Variants in FAM135A observed in about 807,000 individuals in gnomAD.
FAM135A encodes the protein protein FAM135A.
A neutral mutation model predicts 146.8 loss-of-function variants in FAM135A; 79 were observed. That is an observed-to-expected ratio of 0.54 (90% CI 0.45 to 0.65). FAM135A has a LOEUF of 0.65. Ranked by LOEUF, FAM135A falls within the 30% of genes least tolerant of loss-of-function variation. The pLI, the probability that FAM135A is intolerant of heterozygous loss-of-function variation, is 0.00. For missense variants in FAM135A, 1,623 were observed against 1,758.2 expected (o/e 0.92, Z 1.38); for synonymous variants, 562 against 603.6 (o/e 0.93, Z 1.01).
intron 11 of FAM135A, among the ~76,000 whole-genome samples, chr6:70,501,857 C>T (rs1352367613): frequency 6.6e-6 from 1 of 152,204 alleles, no homozygotes; most frequent in African/African-American, 2.4e-5. Context: ...AAATCACCCA[C>T]CTTCTGCGAT....
intron 20 of FAM135A, among the ~76,000 whole-genome samples, chr6:70,553,148 T>A (rs540855340): frequency 6.6e-6 from 1 of 152,248 alleles, no homozygotes; most frequent in South Asian, 2.1e-4. Context: ...GAACCAACCA[T>A]GTTGCTCCCC....
intron 5 of FAM135A, among the ~76,000 whole-genome samples, chr6:70,466,787 T>C (rs1160896519): frequency 1.3e-5 from 2 of 152,232 alleles, no homozygotes; most frequent in Non-Finnish European, 2.9e-5. Flanking sequence ...ACTTCATTAG[T>C]ACACCTTCAA....
intron 4 of FAM135A, among the ~76,000 whole-genome samples, chr6:70,432,431 G>C (rs1436842501): frequency 6.6e-6 from 1 of 152,122 alleles, no homozygotes; most frequent in Non-Finnish European, 1.5e-5. Context: ...AATTTGTTAA[G>C]TAAAGCGCTT....
At chr6:70,518,363 A>G (rs1156494866) in intron 12 of FAM135A, among the ~76,000 whole-genome samples, 1 of 152,214 alleles carries the variant, frequency 6.6e-6, no homozygotes, top group African/African-American at 2.4e-5. Context: ...GTTGAGGTTT[A>G]AGGCAGGAAG....
At chr6:70,468,556 A>G (rs1222125467) in intron 5 of FAM135A, among the ~76,000 whole-genome samples, 2 of 152,222 alleles carry the variant, frequency 1.3e-5, no homozygotes, top group Admixed American at 6.5e-5. Context: ...GCTGCTTGCT[A>G]TGCTGTGCAT....
chr6:70,429,520 G>A (rs1025236859), intron 4 of FAM135A, among the ~76,000 whole-genome samples: 5 of 151,376 alleles, frequency 3.3e-5, no homozygotes, highest in African/African-American at 1.2e-4. Context: ...CTCAAGGAAC[G>A]TTAAAAAAAA....
At chr6:70,489,770 G>A (rs1291792163) in intron 10 of FAM135A, among the ~76,000 whole-genome samples, 1 of 152,094 alleles carries the variant, frequency 6.6e-6, no homozygotes, top group Non-Finnish European at 1.5e-5. Flanking sequence ...TACACACGTT[G>A]CTTGTCTCGT....
At chr6:70,429,290 A>T (rs1441358552) in intron 4 of FAM135A, among the ~76,000 whole-genome samples, 1 of 152,178 alleles carries the variant, frequency 6.6e-6, no homozygotes, top group Non-Finnish European at 1.5e-5. Flanking sequence ...AGGCGGGCAG[A>T]TCACCAGAGG....
At chr6:70,436,656 ATTC>A (rs950905761) in intron 4 of FAM135A, among the ~76,000 whole-genome samples, 8 of 152,174 alleles carry the variant, frequency 5.3e-5, no homozygotes, top group African/African-American at 1.4e-4. Context: ...GCCAATGTGT[ATTC>A]TTCTTTTTGT....
At chr6:70,476,143 G>A (rs1782598583) in intron 7 of FAM135A, among the ~76,000 whole-genome samples, 1 of 152,132 alleles carries the variant, frequency 6.6e-6, no homozygotes, top group Non-Finnish European at 1.5e-5. Flanking sequence ...ATGTGCACTT[G>A]ACAGTTGTTC....
At chr6:70,436,230 G>A (rs1261314394) in intron 4 of FAM135A, among the ~76,000 whole-genome samples, 3 of 150,300 alleles carry the variant, frequency 2.0e-5, no homozygotes, top group Non-Finnish European at 3.0e-5. Context: ...TTCTGATTAA[G>A]CATTGGTGAT....
chr6:70,455,003 C>T (rs1187446345), intron 5 of FAM135A, among the ~76,000 whole-genome samples: 1 of 152,096 alleles, frequency 6.6e-6, no homozygotes, highest in Admixed American at 6.5e-5. Context: ...GGCATTGAAT[C>T]TATAAATTAC....
rs1195688706 is a variant in FAM135A at position 70,526,003 on chromosome 6, T to C, written c.2919T>C (p.Cys973=). 1 of 1,612,808 alleles carries C rather than the reference T, an allele frequency of 6.2e-7. No individual in the cohort carries two copies. Among genetic ancestry groups the C allele is most frequent in the Admixed American group, 1.7e-5 (1 of 59,876 alleles). Reference sequence around the variant, plus strand: ...TTACATTAAATTCAAAACTGATTTGTTTAGGCACTCCTTGTGTCATTTCAG... The same window carrying C: ...TTACATTAAATTCAAAACTGATTTGCTTAGGCACTCCTTGTGTCATTTCAG... ...TAITLNSKLI[C]LGTPCVISGS... is the part of the protein sequence containing the mutation. Residue 973 remains cysteine, a synonymous_variant, in exon 15 of 22, where the codon TGT becomes TGC. Transcript: ENST00000418814.
chr6:70,428,802 C>T (rs753854903), intron 4 of FAM135A, among the ~76,000 whole-genome samples: 4 of 152,266 alleles, frequency 2.6e-5, no homozygotes, highest in South Asian at 4.1e-4. Context: ...TTTTCTGTAT[C>T]AGTGAATGTA....
chr6:70,444,760 A>G (rs74520771), intron 4 of FAM135A, among the ~76,000 whole-genome samples: 19,149 of 152,166 alleles, frequency 0.13, 1,484 homozygotes, highest in Middle Eastern at 0.19. Context: ...TATCACATAG[A>G]TCTTCAATAA....
At chr6:70,476,126 A>G (rs1782594290) in intron 7 of FAM135A, among the ~76,000 whole-genome samples, 1 of 152,168 alleles carries the variant, frequency 6.6e-6, no homozygotes, top group Admixed American at 6.6e-5. Context: ...AGTTATCAAG[A>G]CTGACGATGT....
chr6:70,425,851 C>A lies in FAM135A; in HGVS notation c.-133-588C>A, dbSNP rs1739339. On this transcript the variant is annotated intron_variant, in intron 2 of 21. Transcript: ENST00000418814. ...GGGCGCGGTGGCTCACGCCTGTAAT[C>A]CCAGCACTTTGGGAGGCCGAGGCGG... Among the ~76,000 whole-genome samples, 1,042 of 152,234 alleles carry A rather than the reference C, an allele frequency of 6.8e-3. 10 individuals are homozygous for A. Among genetic ancestry groups the A allele is most frequent in the African/African-American group, 0.024 (1,003 of 41,524 alleles).
At chr6:70,491,747 A>C (rs1189534955) in intron 11 of FAM135A, among the ~76,000 whole-genome samples, 1 of 151,918 alleles carries the variant, frequency 6.6e-6, no homozygotes, top group African/African-American at 2.4e-5. Flanking sequence ...ACTGTCCTAG[A>C]GGTTTTCTCT....
chr6:70,460,783 C>CT (rs1779266022), intron 5 of FAM135A, among the ~76,000 whole-genome samples: 1 of 146,944 alleles, frequency 6.8e-6, no homozygotes, highest in African/African-American at 2.4e-5. Flanking sequence ...GAAGATTTAT[C>CT]TATCGATCTA....
Sources: gnomAD v4.1 joint callset for allele counts (sites outside exome capture counted in the v4.1 genomes callset) on GRCh38, gnomAD v4.1.1 for gene constraint, MANE v1.5 for transcripts, NCBI Gene and HGNC (gene_info 2026-07-23, HGNC 2026-07-21) for gene names.